Variants in DNAJC16 observed in about 807,000 individuals in gnomAD.
The protein encoded by DNAJC16 is DnaJ heat shock protein family (Hsp40) member C16.
DNAJC16 carries 76 observed loss-of-function variants against 92.7 expected under a neutral mutation model. The ratio of observed to expected loss-of-function variants is 0.82; its 90% confidence interval spans 0.68 to 0.99. DNAJC16 has a LOEUF of 0.99. DNAJC16 is among the 50% of genes least tolerant of loss of function. The probability of loss-of-function intolerance (pLI) is 0.00; values close to 1 mark genes in which losing one functional copy is unlikely to be tolerated. For synonymous variants in DNAJC16, 328 were observed against 358.7 expected (o/e 0.91, Z 0.97); for missense variants, 869 against 942.4 (o/e 0.92, Z 1.02).
At chr1:15,555,645 G>A (rs1475476966) in intron 7 of DNAJC16, among the ~76,000 whole-genome samples, 2 of 145,270 alleles carry the variant, frequency 1.4e-5, no homozygotes, top group Non-Finnish European at 3.0e-5. Flanking sequence ...TCACACCACT[G>A]CACTCCAGCC....
rs567653115 is a variant in DNAJC16 at position 15,568,615 on chromosome 1, A to G, written c.*438A>G. 33 of 405,486 alleles carry G rather than the reference A, an allele frequency of 8.1e-5. No homozygotes were observed. Among genetic ancestry groups the G allele is most frequent in the Non-Finnish European group, 1.3e-4 (30 of 230,102 alleles). 25.1% of individuals were successfully genotyped at this position (405,486 alleles called of 1,614,324 possible). On this transcript the variant is annotated 3_prime_UTR_variant, in exon 15 of 15. Coordinates refer to ENST00000375847, the MANE Select transcript of DNAJC16 (RefSeq NM_015291.4). ...ATCCCGGCCCTGCTGTGCTGCTGCC[A>G]TGGCGCATGCTCCTAACTCTGAACA...
intron 8 of DNAJC16, among the ~76,000 whole-genome samples, chr1:15,561,130 T>C (rs1210075143): frequency 6.6e-6 from 1 of 151,626 alleles, no homozygotes; most frequent in African/African-American, 2.4e-5. Context: ...TTTTAATATA[T>C]AGCACTTGTT....
chr1:15,537,569 C>T (rs1407255656), intron 4 of DNAJC16, among the ~76,000 whole-genome samples: 6 of 152,192 alleles, frequency 3.9e-5, no homozygotes, highest in African/African-American at 1.2e-4. Flanking sequence ...CAGATACCTT[C>T]GTTTGAAACT....
chr1:15,566,787 G>C (rs1368052913), intron 13 of DNAJC16, among the ~76,000 whole-genome samples: 1 of 152,200 alleles, frequency 6.6e-6, no homozygotes, highest in Non-Finnish European at 1.5e-5. Flanking sequence ...GGGAGGCTGA[G>C]GTAGGAGGAT....
intron 14 of DNAJC16, 72 bp downstream of exon 14, chr1:15,567,341 C>A: frequency 6.7e-7 from 1 of 1,489,202 alleles, no homozygotes; most frequent in South Asian, 1.2e-5. Context: ...AAATTGCACG[C>A]TTTTCTCTTT....
At chr1:15,553,804 C>T (rs572500543) in intron 7 of DNAJC16, among the ~76,000 whole-genome samples, 2 of 152,104 alleles carry the variant, frequency 1.3e-5, no homozygotes, top group Non-Finnish European at 2.9e-5. Context: ...GGATTTTATC[C>T]AAATGGAATA....
At chr1:15,565,611 C>G in intron 11 of DNAJC16, 1 of 273,178 alleles carries the variant, frequency 3.7e-6, no homozygotes, top group African/African-American at 2.2e-5. Flanking sequence ...GAAAATTCTT[C>G]CATGTTTACA....
chr1:15,563,300 G>A (rs946273921), intron 9 of DNAJC16, among the ~76,000 whole-genome samples: 10 of 149,564 alleles, frequency 6.7e-5, no homozygotes, highest in African/African-American at 1.7e-4. Context: ...AGGCCGAGGC[G>A]GGTGGATCAC....
At chr1:15,534,911 C>T (rs1710744960) in intron 3 of DNAJC16, among the ~76,000 whole-genome samples, 2 of 152,188 alleles carry the variant, frequency 1.3e-5, no homozygotes, top group Middle Eastern at 3.4e-3. Context: ...CATACCAAAT[C>T]GCCTATATTT....
chr1:15,542,887 G>A (rs1488093694), intron 4 of DNAJC16, among the ~76,000 whole-genome samples: 2 of 152,218 alleles, frequency 1.3e-5, no homozygotes, highest in African/African-American at 4.8e-5. Flanking sequence ...CTTGAGCCCA[G>A]GAGTTTGAGA....
Position 15,544,488 on chromosome 1 carries a change from A to G in DNAJC16, c.664A>G (p.Ile222Val). ...AHSTPSILGIINGKISFFHNA... is the reference protein window; with the variant it reads ...AHSTPSILGIVNGKISFFHNA... ...CAGCACGCCCTCTATCCTAGGAATCATTAACGGGAAAATCTCCTTCTTCCA... is the reference window on the plus strand; with the variant it reads ...CAGCACGCCCTCTATCCTAGGAATCGTTAACGGGAAAATCTCCTTCTTCCA... The change falls in exon 5 of 15, where the codon ATT becomes GTT. Residue 222 changes from isoleucine to valine, a missense_variant. Coordinates refer to ENST00000375847, the MANE Select transcript of DNAJC16 (RefSeq NM_015291.4). 6.2e-7 allele frequency: 1 copy of G among 1,614,206 alleles called. No homozygotes were observed.
chr1:15,562,636 C>T (rs1638716451), intron 9 of DNAJC16, among the ~76,000 whole-genome samples: 1 of 151,898 alleles, frequency 6.6e-6, no homozygotes, highest in African/African-American at 2.4e-5. Flanking sequence ...CAGGCACACA[C>T]AACCACGCCT....
At position 15,529,145 on chromosome 1, in the gene DNAJC16, A is replaced by G. The variant is rs1206714513; in HGVS notation, c.40A>G (p.Ile14Val). ...GTTGAGCATTTCCTGGCAGTTCTTG[A>G]TAGTTCTGGTTCTGATCCTGCAAAT... ...RKLSISWQFL[I>V]VLVLILQILS... The change falls in exon 2 of 15, where the codon ATA becomes GTA. Residue 14 changes from isoleucine (I) to valine (V), a missense_variant. Physicochemically the swap from Ile to Val is conservative, Grantham distance 29. Transcript: ENST00000375847. 3 of 1,613,940 alleles carry G rather than the reference A, an allele frequency of 1.9e-6. No homozygotes were observed. Among genetic ancestry groups the G allele is most frequent in the South Asian group, 2.2e-5 (2 of 91,072 alleles).
Position 15,536,625 on chromosome 1 carries a change from C to T in DNAJC16, c.385C>T (p.Pro129Ser). 4 of 1,614,096 alleles carry T rather than the reference C, an allele frequency of 2.5e-6. No individual in the cohort carries two copies. Among genetic ancestry groups the T allele is most frequent in the Non-Finnish European group, 3.4e-6 (4 of 1,180,026 alleles). ...TTTTGATGAATCCTTTTTTCACTTC[C>T]CTTTTAATTCTGAACGGCGGGACTC... is the stretch of plus-strand genomic sequence containing the variant. ...FYFDESFFHF[P>S]FNSERRDSID... is the part of the protein sequence containing the mutation. The change falls in exon 4 of 15, where the codon CCT (proline) becomes TCT (serine). Residue 129 changes from proline (P) to serine (S), a missense_variant. Pro to Ser is a moderately conservative substitution (Grantham distance 74). Coordinates refer to ENST00000375847, the MANE Select transcript of DNAJC16 (RefSeq NM_015291.4).
chr1:15,551,384 G>A (rs1374333320), intron 7 of DNAJC16, among the ~76,000 whole-genome samples: 1 of 152,166 alleles, frequency 6.6e-6, no homozygotes, highest in African/African-American at 2.4e-5. Context: ...TTGGAAGAAT[G>A]ACAGACAACT....
At chr1:15,555,385 C>CA (rs138122400) in intron 7 of DNAJC16, among the ~76,000 whole-genome samples, 2,478 of 105,722 alleles carry the variant, frequency 0.023, 48 homozygotes, top group African/African-American at 0.063. Context: ...GACTCCATCT[C>CA]AAAAAAAAAA....
At position 15,567,115 on chromosome 1, in the gene DNAJC16, G is replaced by A; in HGVS notation, c.1795G>A (p.Gly599Ser). 4 of 1,608,844 alleles carry A rather than the reference G, an allele frequency of 2.5e-6. No homozygotes were observed. The highest frequency in any genetic ancestry group is 3.4e-6 in the Non-Finnish European group (4 of 1,175,578). ...TCTCCACAGCAAGATTCCTAAAAAA[G>A]GCTTTGTGGAGGTAACTGAACTCAC... is the stretch of plus-strand genomic sequence containing the variant. Reference protein sequence around the residue: ...KENSSKIPKKGFVEVTELTDV... With the variant: ...KENSSKIPKKSFVEVTELTDV... Residue 599 changes from glycine (G) to serine (S), a missense_variant, in exon 14 of 15, where the codon GGC (glycine) becomes AGC (serine). Coordinates refer to ENST00000375847, the MANE Select transcript of DNAJC16 (RefSeq NM_015291.4).
rs1028912666 is a variant in DNAJC16 at position 15,557,226 on chromosome 1, A to C, written c.1024-2300A>C. 2.6e-5 allele frequency among the ~76,000 whole-genome samples: 4 copies of C among 152,196 alleles called. No individual in the cohort carries two copies. In the South Asian group the frequency reaches 8.3e-4, roughly 31 times the overall value. On this transcript the variant is annotated intron_variant, in intron 7 of 14. Coordinates refer to ENST00000375847, the MANE Select transcript of DNAJC16 (RefSeq NM_015291.4). The stretch of plus-strand genomic sequence containing the variant: ...TGAGATTGTCTTCCTTGAAAGTTTG[A>C]TTGAAAGCATCTGTAATGCCATTTG...
rs745687449 is a variant in DNAJC16, at chr1:15,563,907, T to G, written c.1339-22T>G. The G allele has an allele frequency of 2.2e-5, 35 of 1,586,588 alleles. No homozygotes were observed. In the East Asian group the frequency reaches 7.2e-4, roughly 32 times the overall value. ...ACCATGCTTTTGAAACTTCTGATGTTTTTTCTCTACTTTTCTTCCAGGTGT... is the reference window on the plus strand; with the variant it reads ...ACCATGCTTTTGAAACTTCTGATGTGTTTTCTCTACTTTTCTTCCAGGTGT... On this transcript the variant is annotated intron_variant, in intron 9 of 14. Coordinates refer to ENST00000375847, the MANE Select transcript of DNAJC16 (RefSeq NM_015291.4).
Sources: allele counts gnomAD v4.1 joint callset (sites outside exome capture counted in the v4.1 genomes callset), GRCh38; gene constraint gnomAD v4.1.1; transcripts MANE v1.5; gene names NCBI Gene and HGNC (gene_info 2026-07-23, HGNC 2026-07-21).